TGM3: variants seen among roughly 807,000 people sequenced by gnomAD.
TGM3 encodes the protein protein-glutamine gamma-glutamyltransferase E.
A neutral mutation model predicts 73.8 loss-of-function variants in TGM3; 52 were observed. That is an observed-to-expected ratio of 0.70 (90% CI 0.56 to 0.89). The LOEUF (loss-of-function observed/expected upper bound fraction) is 0.89, where lower values mean the gene tolerates loss of function less well. Ranked by LOEUF, TGM3 falls within the 40% of genes least tolerant of loss-of-function variation. The probability of loss-of-function intolerance (pLI) is 0.00; values close to 1 mark genes in which losing one functional copy is unlikely to be tolerated. For synonymous variants in TGM3, 372 were observed against 354.9 expected (o/e 1.05, Z -0.54); for missense variants, 928 against 909.9 (o/e 1.02, Z -0.26).
At position 2,334,268 on chromosome 20, in the gene TGM3, C is replaced by A. The variant is rs1421999790; in HGVS notation, c.1643-848C>A. ...TGCAGAACAAGAAGTGTGGAAGGTTCTTTTAAGGGACAGGTGATGCAGGGC... is the reference window on the plus strand; with the variant it reads ...TGCAGAACAAGAAGTGTGGAAGGTTATTTTAAGGGACAGGTGATGCAGGGC... On this transcript the variant is annotated intron_variant, in intron 10 of 12. Coordinates refer to ENST00000381458, the MANE Select transcript of TGM3 (RefSeq NM_003245.4). This position sits in a 1 kb window ranked among gnomAD's most constrained non-coding sequence, Gnocchi z 4.0. Among the ~76,000 whole-genome samples the A allele has an allele frequency of 6.6e-6, 1 of 152,122 alleles. No individual in the cohort carries two copies. The highest frequency in any genetic ancestry group is 6.5e-5 in the Admixed American group (1 of 15,280).
At chr20:2,327,733 C>A (rs2084296336) in intron 8 of TGM3, among the ~76,000 whole-genome samples, 1 of 152,150 alleles carries the variant, frequency 6.6e-6, no homozygotes, top group Non-Finnish European at 1.5e-5. Flanking sequence ...GCTGCCTGTT[C>A]AGGGAAGTCT....
At chr20:2,313,872 T>TA (rs952124309) in intron 5 of TGM3, among the ~76,000 whole-genome samples, 26 of 150,360 alleles carry the variant, frequency 1.7e-4, no homozygotes, top group Middle Eastern at 6.9e-3. Flanking sequence ...CTACAGAAAT[T>TA]AAAAAAAAAC....
At chr20:2,308,128 G>A (rs2084184750) in intron 1 of TGM3, among the ~76,000 whole-genome samples, 1 of 152,068 alleles carries the variant, frequency 6.6e-6, no homozygotes, top group Non-Finnish European at 1.5e-5. Context: ...AGGCTGAAGT[G>A]GGAGAATCCC....
Position 2,332,656 on chromosome 20 carries a change from T to C in TGM3, c.1642+346T>C, listed in dbSNP as rs1033913911. 2.0e-5 allele frequency among the ~76,000 whole-genome samples: 3 copies of C among 152,196 alleles called. No homozygotes were observed. The highest frequency in any genetic ancestry group is 4.8e-5 in the African/African-American group (2 of 41,448). ...AGGCAGATTTTCAGTGTCCATCTTA[T>C]AGAAGCAGAAAGTGAGGCTGGGAGA... On this transcript the variant is annotated intron_variant, in intron 10 of 12. Coordinates refer to ENST00000381458, the MANE Select transcript of TGM3 (RefSeq NM_003245.4). This position sits in a 1 kb window ranked among gnomAD's most constrained non-coding sequence, Gnocchi z 4.4.
chr20:2,324,269 G>A (rs868547381), intron 7 of TGM3, among the ~76,000 whole-genome samples: 5 of 151,552 alleles, frequency 3.3e-5, no homozygotes, highest in Admixed American at 6.6e-5. Context: ...CTTTTCATTA[G>A]TTATGAGCAT....
intron 1 of TGM3, among the ~76,000 whole-genome samples, chr20:2,302,314 A>T (rs2084152560): frequency 6.6e-6 from 1 of 152,196 alleles, no homozygotes; most frequent in Non-Finnish European, 1.5e-5. Flanking sequence ...TCCCTTTCAC[A>T]GTCTGGAGTC....
At chr20:2,339,717 G>A (rs776579566) in intron 11 of TGM3, 137 bp from the exon 12 acceptor site, 70 of 1,168,744 alleles carry the variant, frequency 6.0e-5, no homozygotes, top group Non-Finnish European at 7.9e-5. Flanking sequence ...TGGCACCTAG[G>A]AGGGCTAAAT....
At chr20:2,321,383 T>C (rs1230705921) in intron 7 of TGM3, among the ~76,000 whole-genome samples, 1 of 152,204 alleles carries the variant, frequency 6.6e-6, no homozygotes, top group East Asian at 1.9e-4. Flanking sequence ...GAGGTATTAT[T>C]GGCACTCTCT....
rs545758093 is a variant in TGM3, at chr20:2,314,828, G to C, written c.669+1802G>C. 2.0e-5 allele frequency among the ~76,000 whole-genome samples: 3 copies of C among 152,224 alleles called. No homozygotes were observed. The South Asian group carries it at 6.2e-4, about 32-fold the overall frequency. On this transcript the variant is annotated intron_variant, in intron 5 of 12. Transcript: ENST00000381458. ...TTATTTATTTATTTCTATGTTTCAT[G>C]GTTTAGGCATTTCTTGATCTCTTGA...
chr20:2,329,524 A>G (rs1314353595), intron 9 of TGM3, among the ~76,000 whole-genome samples: 2 of 152,138 alleles, frequency 1.3e-5, no homozygotes, highest in African/African-American at 4.8e-5. Flanking sequence ...CCCCATACTG[A>G]GTGCCTGCTT....
At chr20:2,318,509 C>A (rs1195730203) in intron 7 of TGM3, among the ~76,000 whole-genome samples, 1 of 152,094 alleles carries the variant, frequency 6.6e-6, no homozygotes, top group Non-Finnish European at 1.5e-5. Context: ...GACATTGTTA[C>A]AACTGTTTAA....
At chr20:2,313,780 G>T (rs1173965444) in intron 5 of TGM3, among the ~76,000 whole-genome samples, 3 of 152,178 alleles carry the variant, frequency 2.0e-5, no homozygotes, top group Non-Finnish European at 4.4e-5. Context: ...TCTCATCCCA[G>T]TGCTTTGGGA....
rs141840052 is a variant in TGM3 at position 2,326,285 on chromosome 20, G to A, written c.1087+333G>A. On this transcript the variant is annotated intron_variant, in intron 8 of 12. Coordinates refer to ENST00000381458, the MANE Select transcript of TGM3 (RefSeq NM_003245.4). ...TCCTTCCCAGCACAGAAAATTCATG[G>A]TTCCCTGTTGCCCTTGGGGTTTAGT... Among the ~76,000 whole-genome samples, 715 of 152,262 alleles carry A rather than the reference G, an allele frequency of 4.7e-3. 6 individuals are homozygous for A. Among genetic ancestry groups the A allele is most frequent in the Middle Eastern group, 0.014 (4 of 294 alleles).
In TGM3 at chr20:2,317,396, C is replaced by T. The variant is rs1261373862; in HGVS notation, c.894C>T (p.Asn298=). 6.2e-7 allele frequency: 1 copy of T among 1,614,136 alleles called. No homozygotes were observed. The highest frequency in any genetic ancestry group is 1.3e-5 in the African/African-American group (1 of 74,948). ...GIPSRVITNF[N]SAHDTDRNLS... is the part of the protein sequence containing the mutation. ...CTTCCCGGGTGATCACCAACTTCAA[C>T]TCAGCTCATGACACAGACCGAAATC... is the stretch of plus-strand genomic sequence containing the variant. Residue 298 remains asparagine, a synonymous_variant, in exon 7 of 13, where the codon AAC becomes AAT. Coordinates refer to ENST00000381458, the MANE Select transcript of TGM3 (RefSeq NM_003245.4).
At position 2,340,001 on chromosome 20, in the gene TGM3, C is replaced by A; in HGVS notation, c.1934+14C>A. ...CCTGAAGATCGAGTGAGTCCTGGGC[C>A]TAAGTGGCCGGTGCAGGAGGGCGGG... On this transcript the variant is annotated intron_variant, in intron 12 of 12. Transcript: ENST00000381458. 1 of 1,030,628 alleles carries A rather than the reference C, an allele frequency of 9.7e-7. No individual in the cohort carries two copies. The highest frequency in any genetic ancestry group is 1.3e-6 in the Non-Finnish European group (1 of 742,540). 63.8% of individuals were successfully genotyped at this position (1,030,628 alleles called of 1,614,324 possible). A position where few individuals can be genotyped will look rare whatever the true frequency, so the allele number is the denominator to read the frequency against.
At chr20:2,327,394 G>A (rs1449243537) in intron 8 of TGM3, among the ~76,000 whole-genome samples, 4 of 152,056 alleles carry the variant, frequency 2.6e-5, no homozygotes, top group South Asian at 2.1e-4. Flanking sequence ...GGAGAATGGC[G>A]TGAACCCGGG....
intron 1 of TGM3, among the ~76,000 whole-genome samples, chr20:2,296,696 C>T (rs1256428806): frequency 6.6e-6 from 1 of 152,134 alleles, no homozygotes; most frequent in Non-Finnish European, 1.5e-5. Context: ...TCCTGGTCCA[C>T]AGGAGAGCAC....
intron 10 of TGM3, among the ~76,000 whole-genome samples, chr20:2,333,990 C>A (rs2084334252): frequency 6.6e-6 from 1 of 152,226 alleles, no homozygotes; most frequent in Non-Finnish European, 1.5e-5. Context: ...TTCCTCCTCA[C>A]AGTCTTACCT....
At chr20:2,317,268 TGGCTGGGTCAGTGGGTGGCAGTG>T in intron 6 of TGM3, 23 bp downstream of exon 6, 1 of 1,613,846 alleles carries the variant, frequency 6.2e-7, no homozygotes. Flanking sequence ...TGGTGTGCCT[TGGCTGGGTCAGTGGGTGGCAGTG>T]GGCTATGCCA....
Sources: gnomAD v4.1 joint callset for allele counts (sites outside exome capture counted in the v4.1 genomes callset) on GRCh38, gnomAD v4.1.1 for gene constraint, Gnocchi (gnomAD v3.1) non-coding constraint, MANE v1.5 for transcripts, NCBI Gene and HGNC (gene_info 2026-07-23, HGNC 2026-07-21) for gene names.